Variants in GALNT13 observed in about 807,000 individuals in gnomAD.
GALNT13 encodes the protein polypeptide N-acetylgalactosaminyltransferase 13.
Under a neutral mutation model 64.2 loss-of-function variants are expected in GALNT13, and 28 were observed. That is an observed-to-expected ratio of 0.44 (90% CI 0.32 to 0.60). GALNT13 has a LOEUF of 0.60. GALNT13 is among the 20% of genes least tolerant of loss of function. The probability of loss-of-function intolerance (pLI) is 0.05; values close to 1 mark genes in which losing one functional copy is unlikely to be tolerated. For synonymous variants in GALNT13, 214 were observed against 224.6 expected, an observed-to-expected ratio of 0.95 and a Z score of 0.42; for missense variants, 577 against 669.8, an observed-to-expected ratio of 0.86 and a Z score of 1.53.
intron 9 of GALNT13, among the ~76,000 whole-genome samples, chr2:154,329,707 A>C (rs1307326037): frequency 6.6e-6 from 1 of 152,022 alleles, no homozygotes; most frequent in Non-Finnish European, 1.5e-5. Flanking sequence ...TGTATCCCTC[A>C]TGAATGGATG....
At chr2:154,140,224 A>G (rs745985984) in intron 3 of GALNT13, 113 bp from the exon 4 acceptor site, 76 of 730,356 alleles carry the variant, frequency 1.0e-4, no homozygotes, top group Non-Finnish European at 1.6e-4. Context: ...ATTATATTAT[A>G]AAACCTGTAT....
the GALNT13 span, among the ~76,000 whole-genome samples, chr2:153,575,575 C>CAT: frequency 6.6e-6 from 1 of 152,136 alleles, no homozygotes; most frequent in African/African-American, 2.4e-5. Context: ...AGTTGGTGCT[C>CAT]AAACCACAAG....
At chr2:154,332,664 T>C (rs1695231011) in intron 9 of GALNT13, among the ~76,000 whole-genome samples, 1 of 152,120 alleles carries the variant, frequency 6.6e-6, no homozygotes, top group Non-Finnish European at 1.5e-5. Context: ...CTTCCGGCTA[T>C]GTGAGCTGGT....
chr2:154,404,844 T>TA (rs747692843), intron 10 of GALNT13, among the ~76,000 whole-genome samples: 6 of 151,878 alleles, frequency 4.0e-5, no homozygotes, highest in Admixed American at 1.3e-4. Context: ...TTTTTTTTTT[T>TA]AACACTTCAA....
At chr2:153,082,355 T>G in the GALNT13 span, among the ~76,000 whole-genome samples, 12 of 151,750 alleles carry the variant, frequency 7.9e-5, no homozygotes, top group Non-Finnish European at 1.6e-4. Flanking sequence ...ATCACTCTTA[T>G]GCCTTTGCAT....
At chr2:153,648,833 A>G in the GALNT13 span, among the ~76,000 whole-genome samples, 1,213 of 152,222 alleles carry the variant, frequency 8.0e-3, 17 homozygotes, top group African/African-American at 0.027. Flanking sequence ...ATCATGGTGG[A>G]TAAGCTTTTT....
chr2:153,555,324 A>C, the GALNT13 span, among the ~76,000 whole-genome samples: 178 of 133,372 alleles, frequency 1.3e-3, 18 homozygotes, highest in African/African-American at 5.0e-3. Context: ...CCTCCCGAGT[A>C]GCTGGGACTA....
At chr2:154,088,089 T>C (rs768176496) in intron 3 of GALNT13, among the ~76,000 whole-genome samples, 23 of 152,086 alleles carry the variant, frequency 1.5e-4, no homozygotes, top group Non-Finnish European at 3.4e-4. Context: ...GTGTGAAAAG[T>C]TTTACCATAA....
chr2:153,280,817 G>A, the GALNT13 span, among the ~76,000 whole-genome samples: 1 of 152,180 alleles, frequency 6.6e-6, no homozygotes, highest in African/African-American at 2.4e-5. Flanking sequence ...TCCACATGCA[G>A]ATGAGAAGAA....
intron 9 of GALNT13, among the ~76,000 whole-genome samples, chr2:154,335,176 C>A (rs1385717656): frequency 2.0e-5 from 3 of 151,676 alleles, no homozygotes; most frequent in Non-Finnish European, 4.4e-5. Flanking sequence ...TTATTTACTT[C>A]TATGTGGTAG....
intron 8 of GALNT13, among the ~76,000 whole-genome samples, chr2:154,289,205 T>C (rs1692458810): frequency 6.6e-6 from 1 of 152,322 alleles, no homozygotes; most frequent in South Asian, 2.1e-4. Flanking sequence ...CATTTGCCCC[T>C]TTTAGCCATG....
chr2:153,667,404 C>A, the GALNT13 span, among the ~76,000 whole-genome samples: 1 of 152,136 alleles, frequency 6.6e-6, no homozygotes, highest in Non-Finnish European at 1.5e-5. Flanking sequence ...TAAAGGGAAC[C>A]ACACAAGGCT....
chr2:153,528,118 A>C, the GALNT13 span, among the ~76,000 whole-genome samples: 1 of 151,920 alleles, frequency 6.6e-6, no homozygotes, highest in Non-Finnish European at 1.5e-5. Context: ...CTTTCCAATC[A>C]AAAGATATAG....
chr2:153,434,449 A>G, the GALNT13 span, among the ~76,000 whole-genome samples: 2 of 152,166 alleles, frequency 1.3e-5, no homozygotes, highest in Middle Eastern at 3.2e-3. Context: ...CCCACCAACC[A>G]TGTGAAAGTG....
At chr2:154,440,125 T>A (rs1041123945) in intron 12 of GALNT13, among the ~76,000 whole-genome samples, 1 of 152,144 alleles carries the variant, frequency 6.6e-6, no homozygotes. Flanking sequence ...TGTTTTTAAA[T>A]AAAACTTGTT....
chr2:153,461,963 C>T, the GALNT13 span, among the ~76,000 whole-genome samples: 1 of 152,052 alleles, frequency 6.6e-6, no homozygotes, highest in Non-Finnish European at 1.5e-5. Context: ...AATAAAATTA[C>T]AGTATTTGTA....
the GALNT13 span, among the ~76,000 whole-genome samples, chr2:153,465,548 C>A: frequency 1.4e-4 from 21 of 151,472 alleles, no homozygotes; most frequent in African/African-American, 4.6e-4. Context: ...AGTAAGGAAA[C>A]AAAATCCTGT....
At chr2:154,149,320 C>T (rs545619595) in intron 4 of GALNT13, among the ~76,000 whole-genome samples, 47 of 152,082 alleles carry the variant, frequency 3.1e-4, no homozygotes, top group African/African-American at 5.1e-4. Flanking sequence ...ATGCTGTTTT[C>T]GTTACAGTAG....
the GALNT13 span, among the ~76,000 whole-genome samples, chr2:153,718,175 T>A: frequency 6.6e-6 from 1 of 152,050 alleles, no homozygotes; most frequent in African/African-American, 2.4e-5. Context: ...ATTGTTACTA[T>A]TAGAACACAA....
Sources: allele counts gnomAD v4.1 joint callset (sites outside exome capture counted in the v4.1 genomes callset), GRCh38; gene constraint gnomAD v4.1.1; transcripts MANE v1.5; gene names NCBI Gene and HGNC (gene_info 2026-07-23, HGNC 2026-07-21).